The following TBC1D22A variants were observed in gnomAD, a reference collection of about 807,000 sequenced individuals.
The protein encoded by TBC1D22A is putative GTPase activator.
Under a neutral mutation model 60.2 loss-of-function variants are expected in TBC1D22A, and 38 were observed. The ratio of observed to expected loss-of-function variants is 0.63; its 90% CI spans 0.49 to 0.83. The LOEUF is 0.83. Among genes scored for constraint, TBC1D22A ranks in the 40% least tolerant of loss-of-function variants. TBC1D22A has a pLI of 0.00. For missense variants in TBC1D22A, 628 were observed against 701.0 expected (o/e 0.90, Z 1.18); for synonymous variants, 302 against 281.7 (o/e 1.07, Z -0.72).
chr22:46,908,823 G>A (rs979049268), intron 7 of TBC1D22A, among the ~76,000 whole-genome samples: 2 of 152,130 alleles, frequency 1.3e-5, no homozygotes, highest in Non-Finnish European at 2.9e-5. Flanking sequence ...ACCTCCTGCC[G>A]TGCCTGTTTG....
intron 12 of TBC1D22A, among the ~76,000 whole-genome samples, chr22:47,169,697 G>A (rs2068356638): frequency 6.6e-6 from 1 of 152,218 alleles, no homozygotes; most frequent in Non-Finnish European, 1.5e-5. Context: ...TTGAGATGGT[G>A]GTGCCCCAGG....
At chr22:46,884,894 G>T (rs545572795) in intron 5 of TBC1D22A, among the ~76,000 whole-genome samples, 1 of 152,202 alleles carries the variant, frequency 6.6e-6, no homozygotes, top group Non-Finnish European at 1.5e-5. Context: ...GGTGAGTGAC[G>T]AGTCTCGGCC....
chr22:47,042,175 C>G lies in TBC1D22A; in HGVS notation c.1329+4977C>G, dbSNP rs899568484. Among the ~76,000 whole-genome samples the G allele has an allele frequency of 3.2e-4, 7 of 21,866 alleles. No individual in the cohort carries two copies. In the East Asian group the frequency reaches 0.11, roughly 335 times the overall value. The allele number at this position is 21,866 out of a possible 152,430, so 14.3% of individuals were successfully genotyped here. On this transcript the variant is annotated intron_variant, in intron 11 of 12. Coordinates refer to ENST00000337137, the MANE Select transcript of TBC1D22A (RefSeq NM_014346.5). ...TGTGTCACAGTGGCTTCTATTTCTG[C>G]CCCCCCCATGAGGCACTTTGGGCTC...
At chr22:46,974,851 G>A (rs562229604) in intron 9 of TBC1D22A, among the ~76,000 whole-genome samples, 143 of 152,370 alleles carry the variant, frequency 9.4e-4, no homozygotes, top group African/African-American at 3.0e-3. Flanking sequence ...TGCGTGGGGC[G>A]CTGCAGCTGT....
At chr22:46,894,024 G>T (rs937180411) in intron 6 of TBC1D22A, among the ~76,000 whole-genome samples, 1 of 152,234 alleles carries the variant, frequency 6.6e-6, no homozygotes, top group Non-Finnish European at 1.5e-5. Context: ...GATGTGCAAG[G>T]ATGGGGCGAA....
At chr22:46,869,412 T>A (rs1602237853) in intron 4 of TBC1D22A, among the ~76,000 whole-genome samples, 1 of 152,238 alleles carries the variant, frequency 6.6e-6, no homozygotes, top group Non-Finnish European at 1.5e-5. Flanking sequence ...GAACTGGGTT[T>A]AATCACTCCC....
intron 10 of TBC1D22A, among the ~76,000 whole-genome samples, chr22:47,011,099 C>T (rs1243847378): frequency 1.3e-5 from 2 of 152,218 alleles, no homozygotes; most frequent in African/African-American, 4.8e-5. Context: ...AGAGTCCTGC[C>T]TATCACTGAT....
intron 12 of TBC1D22A, among the ~76,000 whole-genome samples, chr22:47,111,879 C>T (rs1433843930): frequency 6.6e-6 from 1 of 152,216 alleles, no homozygotes; most frequent in African/African-American, 2.4e-5. Flanking sequence ...GGGCAGCGTG[C>T]CCCTCAGCAG....
intron 7 of TBC1D22A, among the ~76,000 whole-genome samples, chr22:46,897,444 G>A (rs1214197809): frequency 6.6e-6 from 1 of 152,096 alleles, no homozygotes; most frequent in Non-Finnish European, 1.5e-5. Flanking sequence ...AGAGGCTGAA[G>A]TCACAAAATT....
At chr22:47,134,030 G>A (rs541510916) in intron 12 of TBC1D22A, among the ~76,000 whole-genome samples, 13 of 152,296 alleles carry the variant, frequency 8.5e-5, no homozygotes, top group African/African-American at 2.9e-4. Context: ...TCCAGAAGGT[G>A]CCCTGCCCAT....
intron 11 of TBC1D22A, among the ~76,000 whole-genome samples, chr22:47,044,363 G>A (rs1047539261): frequency 3.3e-5 from 5 of 152,232 alleles, no homozygotes; most frequent in Non-Finnish European, 5.9e-5. Context: ...TCCTTTGAAA[G>A]GCTGCCTCGG....
At chr22:46,780,476 T>G (rs2083890407) in intron 1 of TBC1D22A, among the ~76,000 whole-genome samples, 1 of 151,872 alleles carries the variant, frequency 6.6e-6, no homozygotes, top group Non-Finnish European at 1.5e-5. Flanking sequence ...CCATCAGGTT[T>G]GTTTGAAAAG....
chr22:47,076,380 TACACACACACACACACACAC>T (rs1183466938), intron 11 of TBC1D22A, among the ~76,000 whole-genome samples: 19 of 124,426 alleles, frequency 1.5e-4, no homozygotes, highest in East Asian at 1.2e-3. Flanking sequence ...TATATATATA[TACACACACACACACACACAC>T]ACACACACAT....
At chr22:47,125,739 C>A (rs914023939) in intron 12 of TBC1D22A, among the ~76,000 whole-genome samples, 1 of 152,154 alleles carries the variant, frequency 6.6e-6, no homozygotes, top group African/African-American at 2.4e-5. Flanking sequence ...GCAAGAACTT[C>A]CCAGCATCTC....
chr22:46,965,839 C>T (rs1254738718), intron 8 of TBC1D22A, among the ~76,000 whole-genome samples: 1 of 152,200 alleles, frequency 6.6e-6, no homozygotes, highest in Non-Finnish European at 1.5e-5. Flanking sequence ...GGGCCCACAT[C>T]TTCCTCCTGT....
intron 7 of TBC1D22A, among the ~76,000 whole-genome samples, chr22:46,905,332 C>T (rs4823893): frequency 0.35 from 53,899 of 152,050 alleles, 11,313 homozygotes; most frequent in East Asian, 0.64. Context: ...GAGGAGGCCT[C>T]TGTCCTTTCT....
intron 10 of TBC1D22A, among the ~76,000 whole-genome samples, chr22:47,003,048 C>T (rs949522821): frequency 6.6e-6 from 1 of 152,180 alleles, no homozygotes; most frequent in African/African-American, 2.4e-5. Context: ...ACAACTGCAT[C>T]TCTCTACCTT....
intron 8 of TBC1D22A, among the ~76,000 whole-genome samples, chr22:46,956,690 C>T (rs2073212741): frequency 6.6e-6 from 1 of 152,130 alleles, no homozygotes; most frequent in Admixed American, 6.5e-5. Flanking sequence ...CTGTGGTCCG[C>T]CGTCTGTGGG....
chr22:46,797,962 C>A (rs978403610), intron 4 of TBC1D22A, among the ~76,000 whole-genome samples: 2 of 152,268 alleles, frequency 1.3e-5, no homozygotes. Context: ...ACCTGGAATT[C>A]CTGGGCTCAA....
Sources: allele counts gnomAD v4.1 joint callset (sites outside exome capture counted in the v4.1 genomes callset), GRCh38; gene constraint gnomAD v4.1.1; transcripts MANE v1.5; gene names NCBI Gene and HGNC (gene_info 2026-07-23, HGNC 2026-07-21).